The following PARP4 variants were observed in gnomAD, a reference collection of about 807,000 sequenced individuals.
The protein encoded by PARP4 is poly(ADP-ribose) polymerase family member 4, also known as protein mono-ADP-ribosyltransferase PARP4.
PARP4 carries 120 observed loss-of-function variants against 187.7 expected under a neutral mutation model. That is an observed-to-expected ratio of 0.64 (90% CI 0.55 to 0.74). PARP4 has a LOEUF of 0.74. Ranked by LOEUF, PARP4 falls within the 30% of genes least tolerant of loss-of-function variation. The pLI is 0.00. For synonymous variants in PARP4, 654 were observed against 740.9 expected, an observed-to-expected ratio of 0.88 and a Z score of 1.90; for missense variants, 1,836 against 2,070.5, an observed-to-expected ratio of 0.89 and a Z score of 2.20.
At chr13:24,457,447 G>T (rs892352535) in intron 20 of PARP4, among the ~76,000 whole-genome samples, 1 of 152,126 alleles carries the variant, frequency 6.6e-6, no homozygotes, top group Non-Finnish European at 1.5e-5. Flanking sequence ...AAGTGTCCAT[G>T]CAACGGGCCT....
intron 1 of PARP4, among the ~76,000 whole-genome samples, chr13:24,509,772 T>C (rs909667543): frequency 2.6e-5 from 4 of 151,852 alleles, no homozygotes; most frequent in African/African-American, 9.7e-5. Context: ...TGATCTCAGC[T>C]CACTGCAACC....
At position 24,421,136 on chromosome 13, in the gene PARP4, G is replaced by T. The variant is rs534579543; in HGVS notation, c.5158C>A (p.His1720Asn). 6.9e-7 allele frequency: 1 copy of T among 1,458,418 alleles called. No individual in the cohort carries two copies. Among genetic ancestry groups the T allele is most frequent in the African/African-American group, 1.4e-5 (1 of 69,842 alleles). The allele number at this position is 1,458,418 out of a possible 1,614,324, so 90.3% of individuals were successfully genotyped here. A position where few individuals can be genotyped will look rare whatever the true frequency, so the allele number is the denominator to read the frequency against. The change falls in exon 34 of 34, where the codon CAT (histidine) becomes AAT (asparagine). Residue 1720 changes from histidine to asparagine, a missense_variant. Around this residue, in one of 8 missense-constraint regions of PARP4, gnomAD observed 29 missense variants for 81.3 expected, o/e 0.36. Transcript: ENST00000381989. ...STVSPLHRVL[H>N]YSQG is the part of the protein sequence containing the mutation. ...CATTTGACTTAGCCTTGACTGTAATGGAGGACTCTATGAAGAGGGGACACA... is the reference window on the plus strand; with the variant it reads ...CATTTGACTTAGCCTTGACTGTAATTGAGGACTCTATGAAGAGGGGACACA...
intron 15 of PARP4, among the ~76,000 whole-genome samples, chr13:24,473,922 C>T (rs1429567656): frequency 1.3e-5 from 2 of 152,146 alleles, no homozygotes; most frequent in East Asian, 1.9e-4. Flanking sequence ...CCACGTTGGC[C>T]TCTGTGCTCT....
intron 1 of PARP4, among the ~76,000 whole-genome samples, chr13:24,507,990 A>G (rs1869800527): frequency 6.6e-6 from 1 of 152,172 alleles, no homozygotes; most frequent in African/African-American, 2.4e-5. Context: ...GGTTAAACTG[A>G]AGTCTCTTGA....
chr13:24,459,137 G>T lies in PARP4; in HGVS notation c.2346-15C>A. The T allele has an allele frequency of 1.3e-6, 2 of 1,594,814 alleles. No homozygotes were observed. The highest frequency in any genetic ancestry group is 2.3e-5 in the South Asian group (2 of 88,864). On this transcript the variant is annotated splice_polypyrimidine_tract_variant and intron_variant, in intron 19 of 33. Transcript: ENST00000381989. The stretch of plus-strand genomic sequence containing the variant: ...TCAAAGAGAAGCTAGCAAAAATGAA[G>T]AGAAAGTTGTCTTAGTCTACGATCT...
intron 12 of PARP4, among the ~76,000 whole-genome samples, chr13:24,482,386 T>C (rs1161567911): frequency 6.6e-6 from 1 of 152,216 alleles, no homozygotes; most frequent in African/African-American, 2.4e-5. Flanking sequence ...AGTTCTACTT[T>C]AGGTAAATGC....
intron 30 of PARP4, among the ~76,000 whole-genome samples, chr13:24,436,384 G>A (rs1038246617): frequency 6.6e-6 from 1 of 152,174 alleles, no homozygotes; most frequent in African/African-American, 2.4e-5. Context: ...ACTCACTATA[G>A]CCTTGAACTC....
chr13:24,423,095 C>T (rs1009280657), intron 33 of PARP4, among the ~76,000 whole-genome samples: 1 of 152,150 alleles, frequency 6.6e-6, no homozygotes, highest in African/African-American at 2.4e-5. Context: ...TAATAATTGG[C>T]AATGATCTAA....
intron 22 of PARP4, 75 bp from the exon 23 acceptor site, chr13:24,453,729 T>C (rs2137472534): frequency 1.2e-6 from 1 of 811,840 alleles, no homozygotes; most frequent in South Asian, 1.4e-5. Context: ...AATAATGTTA[T>C]TTCATACCAT....
chr13:24,481,743 A>T (rs957970381), intron 12 of PARP4, among the ~76,000 whole-genome samples: 4 of 152,190 alleles, frequency 2.6e-5, no homozygotes, highest in African/African-American at 9.7e-5. Flanking sequence ...GTATGCCTGT[A>T]ATCCCAGGAG....
rs138449687 is a variant in PARP4, at chr13:24,425,599, C to CTATA, written c.4979+863_4979+866dup. 7.1e-3 allele frequency among the ~76,000 whole-genome samples: 975 copies of CTATA among 138,066 alleles called. 15 individuals carry two copies. The highest frequency in any genetic ancestry group is 0.027 in the African/African-American group (902 of 33,588). 90.6% of individuals were successfully genotyped at this position (138,066 alleles called of 152,430 possible). On this transcript the variant is annotated intron_variant, in intron 33 of 33. Coordinates refer to ENST00000381989, the MANE Select transcript of PARP4 (RefSeq NM_006437.4). ...TCTATATCTATATCTATATCTATAT[C>CTATA]TATATCTATATATCTCAGAGGGATC...
At chr13:24,491,491 T>C (rs1304658875) in intron 9 of PARP4, among the ~76,000 whole-genome samples, 2 of 152,248 alleles carry the variant, frequency 1.3e-5, no homozygotes, top group Non-Finnish European at 2.9e-5. Context: ...ATTTTCTCAT[T>C]GACCAGTTCT....
intron 6 of PARP4, among the ~76,000 whole-genome samples, chr13:24,495,026 C>T (rs1480387641): frequency 6.6e-6 from 1 of 152,068 alleles, no homozygotes; most frequent in Admixed American, 6.5e-5. Context: ...CATGTGCCAC[C>T]ACACCTGGCT....
intron 1 of PARP4, among the ~76,000 whole-genome samples, chr13:24,512,219 C>A (rs934650313): frequency 5.9e-5 from 9 of 152,356 alleles, no homozygotes; most frequent in African/African-American, 1.7e-4. Flanking sequence ...TAGAGGTTTT[C>A]AACTTTGGAC....
chr13:24,492,273 G>C, intron 9 of PARP4, 148 bp downstream of exon 9: 1 of 555,984 alleles, frequency 1.8e-6, no homozygotes, highest in Non-Finnish European at 3.1e-6. Flanking sequence ...AGGATCCAGG[G>C]CTTTCTAAAA....
At chr13:24,496,964 A>G (rs1389310149) in intron 6 of PARP4, among the ~76,000 whole-genome samples, 3 of 152,178 alleles carry the variant, frequency 2.0e-5, no homozygotes, top group Non-Finnish European at 4.4e-5. Context: ...CAGAGGTTGC[A>G]GTGAGCCGAG....
intron 30 of PARP4, among the ~76,000 whole-genome samples, chr13:24,436,771 T>C (rs1375112320): frequency 6.6e-6 from 1 of 152,214 alleles, no homozygotes; most frequent in Admixed American, 6.5e-5. Flanking sequence ...TTTATATGCA[T>C]GTCAAGTCCT....
At chr13:24,483,492 C>CAA (rs745935813) in intron 12 of PARP4, among the ~76,000 whole-genome samples, 34,151 of 107,190 alleles carry the variant, frequency 0.32, 5,200 homozygotes, top group South Asian at 0.47. Flanking sequence ...GACTCCGTCT[C>CAA]AAAAAAAAAA....
intron 1 of PARP4, among the ~76,000 whole-genome samples, chr13:24,508,410 A>G (rs968177336): frequency 6.6e-6 from 1 of 152,194 alleles, no homozygotes; most frequent in Non-Finnish European, 1.5e-5. Context: ...AAAATACAGA[A>G]TTGTATAACA....
Sources: gnomAD v4.1 joint callset for allele counts (sites outside exome capture counted in the v4.1 genomes callset) on GRCh38, gnomAD v4.1.1 for gene constraint, gnomAD v4.1.1 regional missense constraint, MANE v1.5 for transcripts, NCBI Gene and HGNC (gene_info 2026-07-23, HGNC 2026-07-21) for gene names.